The following RBM39 variants were observed in gnomAD, a reference collection of about 807,000 sequenced individuals.
RBM39 encodes RNA-binding protein 39.
A neutral mutation model predicts 79.6 loss-of-function variants in RBM39; 12 were observed. That is an observed-to-expected ratio of 0.15 (90% CI 0.10 to 0.24). RBM39 has a LOEUF of 0.24. Ranked by LOEUF, RBM39 falls within the 10% of genes least tolerant of loss-of-function variation. The pLI, the probability that RBM39 is intolerant of heterozygous loss-of-function variation, is 1.00. For synonymous variants in RBM39, 185 were observed against 208.4 expected, an observed-to-expected ratio of 0.89 and a Z score of 0.97; for missense variants, 243 against 653.4, an observed-to-expected ratio of 0.37 and a Z score of 6.85.
At position 35,704,344 on chromosome 20, in the gene RBM39, T is replaced by C. The variant is rs2035474978; in HGVS notation, c.*137A>G. ...CACTGCATTCCTGTTAACATTTTTA[T>C]TTTTTCAAGGTAACAGGAAATTGCA... On this transcript the variant is annotated 3_prime_UTR_variant, in exon 17 of 17. Transcript: ENST00000253363. 1.6e-6 allele frequency: 1 copy of C among 641,538 alleles called. No individual in the cohort carries two copies. Among genetic ancestry groups the C allele is most frequent in the Non-Finnish European group, 2.6e-6 (1 of 381,158 alleles). The allele number at this position is 641,538 out of a possible 1,614,324, so 39.7% of individuals were successfully genotyped here.
chr20:35,707,027 TAAAAAAAAA>T (rs58614202), intron 14 of RBM39, 84 bp downstream of exon 14: 22 of 151,874 alleles, frequency 1.4e-4, no homozygotes, highest in Non-Finnish European at 1.8e-4. Context: ...AACTCCATCT[TAAAAAAAAA>T]AAAAAAAAAA....
intron 10 of RBM39, 47 bp from the exon 11 acceptor site, chr20:35,714,436 A>T (rs1282222680): frequency 6.5e-7 from 1 of 1,546,436 alleles, no homozygotes; most frequent in Non-Finnish European, 8.7e-7. Context: ...TTTAATTTTT[A>T]AAATACAAAC....
intron 9 of RBM39, among the ~76,000 whole-genome samples, chr20:35,717,777 G>A (rs1179281138): frequency 1.3e-5 from 2 of 152,166 alleles, no homozygotes; most frequent in Non-Finnish European, 2.9e-5. Flanking sequence ...TGTTAAGGAG[G>A]TGGACGCTAC....
At chr20:35,724,776 T>C (rs2038443192) in intron 7 of RBM39, 54 bp from the exon 8 acceptor site, 2 of 1,574,812 alleles carry the variant, frequency 1.3e-6, no homozygotes, top group Non-Finnish European at 1.7e-6. Flanking sequence ...ACATGTAGAA[T>C]TATTTCAAGA....
chr20:35,705,385 T>C, intron 14 of RBM39, 55 bp from the exon 15 acceptor site: 1 of 954,928 alleles, frequency 1.0e-6, no homozygotes, highest in South Asian at 1.5e-5. Context: ...AAACTATATA[T>C]TTACAAATGT....
In RBM39 at chr20:35,740,818, T is replaced by C. The variant is rs2040419983; in HGVS notation, c.51+6A>G. The C allele has an allele frequency of 1.9e-6, 3 of 1,608,150 alleles. No individual in the cohort carries two copies. The highest frequency in any genetic ancestry group is 1.7e-6 in the Non-Finnish European group (2 of 1,176,736). ...ATATAAACCTCACCGACATGTTTTT[T>C]CTCACCTTCTTGTAAGGAGCCTCAA... On this transcript the variant is annotated splice_donor_region_variant and intron_variant, in intron 2 of 16. Transcript: ENST00000253363.
At chr20:35,730,989 C>T (rs17093026) in intron 4 of RBM39, among the ~76,000 whole-genome samples, 15,439 of 152,138 alleles carry the variant, frequency 0.1, 818 homozygotes, top group South Asian at 0.14. Context: ...CCTCTGAGCA[C>T]TTTACATTTT....
intron 9 of RBM39, among the ~76,000 whole-genome samples, chr20:35,720,762 ACT>A (rs1020962646): frequency 3.9e-5 from 6 of 152,064 alleles, no homozygotes; most frequent in African/African-American, 9.7e-5. Context: ...GCAGAATAAG[ACT>A]CTGTCTCAAA....
At chr20:35,714,050 T>C (rs144803116) in intron 11 of RBM39, 135 bp downstream of exon 11, 4 of 770,166 alleles carry the variant, frequency 5.2e-6, no homozygotes, top group Admixed American at 2.8e-5. Flanking sequence ...TATAAAATAA[T>C]ATGCAGTGTG....
At chr20:35,705,040 A>G in intron 15 of RBM39, 185 bp downstream of exon 15, 1 of 597,184 alleles carries the variant, frequency 1.7e-6, no homozygotes, top group Non-Finnish European at 2.9e-6. Flanking sequence ...TACCCTGATC[A>G]AATTGTTACT....
intron 6 of RBM39, 118 bp from the exon 7 acceptor site, chr20:35,725,273 T>C (rs1252079995): frequency 1.5e-6 from 1 of 649,508 alleles, no homozygotes; most frequent in Non-Finnish European, 2.6e-6. Flanking sequence ...TTTGGTTACA[T>C]AGATGAGTTC....
At chr20:35,713,980 T>C (rs945880428) in intron 11 of RBM39, 7 of 562,782 alleles carry the variant, frequency 1.2e-5, no homozygotes, top group Admixed American at 1.0e-4. Flanking sequence ...TTGCAACTTA[T>C]ACTGTGGCAT....
intron 10 of RBM39, among the ~76,000 whole-genome samples, chr20:35,715,720 G>T (rs1173474270): frequency 6.6e-6 from 1 of 152,100 alleles, no homozygotes; most frequent in Admixed American, 6.6e-5. Context: ...TTGGATCCTT[G>T]TCCCCTCTAA....
intron 6 of RBM39, among the ~76,000 whole-genome samples, chr20:35,725,911 G>A (rs373948879): frequency 1.3e-5 from 2 of 151,972 alleles, no homozygotes; most frequent in Admixed American, 6.6e-5. Context: ...TGATGTGCCC[G>A]CCTCGGCCTC....
chr20:35,736,675 G>A (rs553230275), intron 3 of RBM39: 57 of 444,580 alleles, frequency 1.3e-4, no homozygotes, highest in Admixed American at 1.1e-3. Flanking sequence ...TGTTTGAGAC[G>A]GAGTCTCGCT....
intron 12 of RBM39, chr20:35,710,634 T>C (rs970513792): frequency 6.6e-6 from 1 of 152,102 alleles, no homozygotes; most frequent in Non-Finnish European, 1.5e-5. Context: ...CCATCCCTAG[T>C]TTCACCCAAT....
chr20:35,719,648 G>C (rs1304159939), intron 9 of RBM39, among the ~76,000 whole-genome samples: 1 of 152,096 alleles, frequency 6.6e-6, no homozygotes, highest in Non-Finnish European at 1.5e-5. Flanking sequence ...CTGCACTCCA[G>C]CCTAGGCGCA....
Position 35,731,887 on chromosome 20 carries a change from T to C in RBM39, c.296+54A>G, listed in dbSNP as rs1046379799. 18 of 1,491,320 alleles carry C rather than the reference T, an allele frequency of 1.2e-5. 1 individual carries two copies. In the South Asian group the frequency reaches 2.1e-4, roughly 17 times the overall value. 92.4% of individuals were successfully genotyped at this position (1,491,320 alleles called of 1,614,324 possible). ...TCAAATCACTCAAGTTAAACTGCCA[T>C]CTGAATACCCAGAGAATAACCCTCA... On this transcript the variant is annotated intron_variant, in intron 4 of 16. Transcript: ENST00000253363.
At chr20:35,737,267 G>A (rs1018402330) in intron 3 of RBM39, among the ~76,000 whole-genome samples, 2 of 151,802 alleles carry the variant, frequency 1.3e-5, no homozygotes, top group Non-Finnish European at 1.5e-5. Flanking sequence ...GCAGGCACCT[G>A]TAATCCCAGC....
Sources: gnomAD v4.1 joint callset for allele counts (sites outside exome capture counted in the v4.1 genomes callset) on GRCh38, gnomAD v4.1.1 for gene constraint, MANE v1.5 for transcripts, NCBI Gene and HGNC (gene_info 2026-07-23, HGNC 2026-07-21) for gene names.